SLC38A7: variants seen among roughly 807,000 people sequenced by gnomAD.
The protein encoded by SLC38A7 is sodium-coupled neutral amino acid transporter 7.
Under a neutral mutation model 50.1 loss-of-function variants are expected in SLC38A7, and 29 were observed. That is an observed-to-expected ratio of 0.58 (90% CI 0.43 to 0.79). The LOEUF (loss-of-function observed/expected upper bound fraction) is 0.79, where lower values mean the gene tolerates loss of function less well. Among genes scored for constraint, SLC38A7 ranks in the 30% least tolerant of loss-of-function variants. The pLI, the probability that SLC38A7 is intolerant of heterozygous loss-of-function variation, is 0.00. For missense variants in SLC38A7, 483 were observed against 610.6 expected, an observed-to-expected ratio of 0.79 and a Z score of 2.20; for synonymous variants, 244 against 245.9, an observed-to-expected ratio of 0.99 and a Z score of 0.07.
intron 3 of SLC38A7, 64 bp downstream of exon 3, chr16:58,679,793 C>G: frequency 6.2e-7 from 1 of 1,604,652 alleles, no homozygotes; most frequent in East Asian, 2.2e-5. Context: ...TGACCCGAAG[C>G]CTCCCTTTTG....
chr16:58,681,949 G>A (rs1237689830), intron 2 of SLC38A7: 1 of 152,120 alleles, frequency 6.6e-6, no homozygotes, highest in Non-Finnish European at 1.5e-5. Context: ...CTGGGGTCAG[G>A]AGTTTGAGAC....
At chr16:58,670,895 A>G (rs746109507) in intron 10 of SLC38A7, 150 bp downstream of exon 10, 201 of 797,964 alleles carry the variant, frequency 2.5e-4, no homozygotes, top group Non-Finnish European at 3.6e-4. Flanking sequence ...TAATGCTTGG[A>G]TAGGGGCTAG....
intron 6 of SLC38A7, among the ~76,000 whole-genome samples, chr16:58,676,797 G>A (rs1446860263): frequency 1.3e-5 from 2 of 151,940 alleles, no homozygotes; most frequent in African/African-American, 2.4e-5. Flanking sequence ...TACTACAGGC[G>A]CCTGCCACCA....
At chr16:58,677,567 G>A (rs2044296801) in intron 5 of SLC38A7, 143 bp from the exon 6 acceptor site, 4 of 682,782 alleles carry the variant, frequency 5.9e-6, no homozygotes, top group Non-Finnish European at 7.7e-6. Context: ...CTCAGGAAAC[G>A]CCTGAGAAGT....
chr16:58,668,605 A>G (rs942711175), intron 11 of SLC38A7, among the ~76,000 whole-genome samples: 5 of 148,852 alleles, frequency 3.4e-5, no homozygotes, highest in Non-Finnish European at 5.9e-5. Flanking sequence ...CAAGCTACTC[A>G]GGAGGCTGAG....
intron 8 of SLC38A7, 31 bp from the exon 9 acceptor site, chr16:58,672,274 C>A (rs780671714): frequency 3.8e-6 from 6 of 1,563,398 alleles, no homozygotes; most frequent in Non-Finnish European, 5.2e-6. Context: ...GTCAGGGCAA[C>A]CCTGGGAGGG....
rs1457323994 is a variant in SLC38A7 at position 58,667,259 on chromosome 16, G to A, written c.*126C>T. 3.0e-6 allele frequency: 3 copies of A among 1,002,824 alleles called. No homozygotes were observed. Among genetic ancestry groups the A allele is most frequent in the Middle Eastern group, 3.0e-4 (1 of 3,378 alleles). The allele number at this position is 1,002,824 out of a possible 1,614,324, so 62.1% of individuals were successfully genotyped here. On this transcript the variant is annotated 3_prime_UTR_variant, in exon 12 of 12. Coordinates refer to ENST00000219320, the MANE Select transcript of SLC38A7 (RefSeq NM_018231.3). ...GGGGCCTGAGTTTGCCCCAGTCCCT[G>A]GAAGAGGATGTCCGGATGTCATCCC...
rs2044133028 is a variant in SLC38A7, at chr16:58,670,202, G to A, written c.1232-35C>T. On this transcript the variant is annotated intron_variant, in intron 10 of 11. Transcript: ENST00000219320. Reference sequence around the variant, plus strand: ...AAGAAGTGGCCCTGAGCATTTGTGAGGGGAGAGGGCTCCCTCCCTCCTAGC... The same window carrying A: ...AAGAAGTGGCCCTGAGCATTTGTGAAGGGAGAGGGCTCCCTCCCTCCTAGC... 1.9e-6 allele frequency: 3 copies of A among 1,609,626 alleles called. No individual in the cohort carries two copies. In the East Asian group the frequency reaches 6.7e-5, roughly 36 times the overall value.
Position 58,677,681 on chromosome 16 carries a change from C to G in SLC38A7, c.612-257G>C, listed in dbSNP as rs2044299245. ...GAAGTGCTGGTTCAGCTCCATGGCT[C>G]AGAGACGATGCAGAGAGCAGAGCTC... On this transcript the variant is annotated intron_variant, in intron 5 of 11. Coordinates refer to ENST00000219320, the MANE Select transcript of SLC38A7 (RefSeq NM_018231.3). The G allele has an allele frequency of 1.2e-5, 6 of 485,028 alleles. No individual in the cohort carries two copies. The South Asian group carries it at 1.3e-4, about 11-fold the overall frequency. The allele number at this position is 485,028 out of a possible 1,614,324, so 30.0% of individuals were successfully genotyped here.
intron 11 of SLC38A7, among the ~76,000 whole-genome samples, chr16:58,668,557 A>C (rs1259966385): frequency 6.6e-6 from 1 of 151,060 alleles, no homozygotes; most frequent in Non-Finnish European, 1.5e-5. Context: ...CAACAAACCC[A>C]AAAAATTAGC....
intron 1 of SLC38A7, 143 bp from the exon 2 acceptor site, chr16:58,684,321 GC>G (rs2044447741): frequency 6.6e-6 from 1 of 152,550 alleles, no homozygotes; most frequent in African/African-American, 2.4e-5. Context: ...ACTGGAGTGT[GC>G]TCCCAGTCCA....
chr16:58,668,012 A>G (rs539140354), intron 11 of SLC38A7, among the ~76,000 whole-genome samples: 2 of 152,076 alleles, frequency 1.3e-5, no homozygotes, highest in East Asian at 3.9e-4. Flanking sequence ...CTAAAAACAG[A>G]AAAATTAGGC....
chr16:58,674,462 G>C (rs2044223895), intron 8 of SLC38A7, among the ~76,000 whole-genome samples: 1 of 151,810 alleles, frequency 6.6e-6, no homozygotes, highest in Non-Finnish European at 1.5e-5. Context: ...ATTTTTTGTA[G>C]AGATGGAGTT....
chr16:58,672,150 G>A lies in SLC38A7; in HGVS notation c.977C>T (p.Ala326Val). The change falls in exon 9 of 12, where the codon GCC becomes GTC. Residue 326 changes from alanine (A) to valine (V), a missense_variant. By Grantham distance (64) the Ala-to-Val change is moderately conservative. Coordinates refer to ENST00000219320, the MANE Select transcript of SLC38A7 (RefSeq NM_018231.3). Reference protein sequence around the residue: ...SEDMAVAVARAFIILSVLTSY... With the variant: ...SEDMAVAVARVFIILSVLTSY... ...GGTGAGCACGCTCAGGATGATGAAG[G>A]CTCGGGCAACGGCCACGGCCATGTC... 1.3e-6 allele frequency: 2 copies of A among 1,563,782 alleles called. No individual in the cohort carries two copies. The highest frequency in any genetic ancestry group is 1.7e-6 in the Non-Finnish European group (2 of 1,154,180).
intron 3 of SLC38A7, 112 bp downstream of exon 3, chr16:58,679,745 A>C (rs1214857809): frequency 1.5e-6 from 2 of 1,374,986 alleles, no homozygotes; most frequent in South Asian, 1.2e-5. Flanking sequence ...TGTGTGAGGG[A>C]GGGGAGAGCA....
In SLC38A7 at chr16:58,675,924, G is replaced by GA. The variant is rs756106698; in HGVS notation, c.883+15_883+16insT. On this transcript the variant is annotated intron_variant, in intron 8 of 11. Coordinates refer to ENST00000219320, the MANE Select transcript of SLC38A7 (RefSeq NM_018231.3). ...GAGCACTCTAGTCCCAGGTCTTGGG[G>GA]GGGGGGAGCACTCACCTGTCCCCAT... The GA allele has an allele frequency of 1.3e-6, 2 of 1,588,038 alleles. No individual in the cohort carries two copies. Among genetic ancestry groups the GA allele is most frequent in the South Asian group, 1.1e-5 (1 of 88,570 alleles).
intron 11 of SLC38A7, among the ~76,000 whole-genome samples, chr16:58,668,298 G>A (rs956615655): frequency 1.3e-5 from 2 of 152,014 alleles, no homozygotes; most frequent in African/African-American, 4.8e-5. Context: ...AAAATGGCTG[G>A]GTATGGTGGC....
chr16:58,680,290 T>C (rs982192996), intron 2 of SLC38A7, 49 bp from the exon 3 acceptor site: 4 of 744,408 alleles, frequency 5.4e-6, no homozygotes, highest in Non-Finnish European at 5.7e-6. Flanking sequence ...ATGGGGGAAC[T>C]AGGGGACAAA....
intron 11 of SLC38A7, among the ~76,000 whole-genome samples, chr16:58,668,437 T>C (rs760988441): frequency 3.9e-5 from 6 of 152,168 alleles, no homozygotes; most frequent in Non-Finnish European, 7.3e-5. Context: ...TAGCCAGGCA[T>C]GGTGCTGCGC....
Sources: allele counts gnomAD v4.1 joint callset (sites outside exome capture counted in the v4.1 genomes callset), GRCh38; gene constraint gnomAD v4.1.1; transcripts MANE v1.5; gene names NCBI Gene and HGNC (gene_info 2026-07-23, HGNC 2026-07-21).